The following TASP1 variants were observed in gnomAD, a reference collection of about 807,000 sequenced individuals.
The protein encoded by TASP1 is threonine aspartase 1.
TASP1 carries 16 observed loss-of-function variants against 56.6 expected under a neutral mutation model. That is an observed-to-expected ratio of 0.28 (90% CI 0.19 to 0.43). The LOEUF is 0.43. Among genes scored for constraint, TASP1 ranks in the 20% least tolerant of loss-of-function variants. TASP1 has a pLI of 1.00. For missense variants in TASP1, 393 were observed against 511.6 expected, an observed-to-expected ratio of 0.77 and a Z score of 2.24; for synonymous variants, 179 against 184.2, an observed-to-expected ratio of 0.97 and a Z score of 0.23.
At chr20:13,438,912 T>C (rs905645675) in intron 11 of TASP1, among the ~76,000 whole-genome samples, 1 of 152,170 alleles carries the variant, frequency 6.6e-6, no homozygotes, top group African/African-American at 2.4e-5. Context: ...AAAATGCTCA[T>C]CATCACTGGC....
the TASP1 span, among the ~76,000 whole-genome samples, chr20:13,216,798 T>C: frequency 6.6e-6 from 1 of 152,162 alleles, no homozygotes; most frequent in Non-Finnish European, 1.5e-5. Context: ...AGACTGATCA[T>C]TGCTCTAAGG....
the TASP1 span, among the ~76,000 whole-genome samples, chr20:13,372,250 G>A: frequency 6.6e-6 from 1 of 152,046 alleles, no homozygotes; most frequent in African/African-American, 2.4e-5. Context: ...TGGGTGCCTC[G>A]TTCAATGAAT....
chr20:13,451,266 T>C (rs1053772274), intron 11 of TASP1, among the ~76,000 whole-genome samples: 4 of 152,090 alleles, frequency 2.6e-5, no homozygotes, highest in Non-Finnish European at 1.5e-5. Flanking sequence ...TAAATAAGCA[T>C]TGGCTTCAAT....
chr20:13,353,908 GA>G, the TASP1 span, among the ~76,000 whole-genome samples: 3 of 151,844 alleles, frequency 2.0e-5, no homozygotes, highest in South Asian at 4.2e-4. Flanking sequence ...AAAGAAAGAG[GA>G]AAAAAAGTAA....
At chr20:13,308,847 A>G in the TASP1 span, among the ~76,000 whole-genome samples, 1 of 152,194 alleles carries the variant, frequency 6.6e-6, no homozygotes. Context: ...GAATGAGATT[A>G]GCATCCTTAC....
At chr20:13,588,540 T>C (rs752828307) in intron 4 of TASP1, among the ~76,000 whole-genome samples, 6 of 152,032 alleles carry the variant, frequency 3.9e-5, no homozygotes, top group Admixed American at 6.5e-5. Context: ...ATAAACAATC[T>C]AAAAATGAAA....
chr20:13,283,771 G>A, the TASP1 span, among the ~76,000 whole-genome samples: 33,960 of 152,092 alleles, frequency 0.22, 3,839 homozygotes, highest in African/African-American at 0.26. Context: ...AAATTACATA[G>A]GTACTGCTTA....
chr20:13,596,542 G>A (rs1044514501), intron 4 of TASP1, among the ~76,000 whole-genome samples: 4 of 152,012 alleles, frequency 2.6e-5, no homozygotes, highest in African/African-American at 4.8e-5. Context: ...GTGTGTAGAC[G>A]GAAATTTATA....
chr20:13,224,239 G>C, the TASP1 span, among the ~76,000 whole-genome samples: 1 of 152,248 alleles, frequency 6.6e-6, no homozygotes, highest in South Asian at 2.1e-4. Flanking sequence ...TAATTTTGCT[G>C]TTTTGTAATT....
chr20:13,454,378 C>A (rs1455178399), intron 11 of TASP1, among the ~76,000 whole-genome samples: 1 of 152,126 alleles, frequency 6.6e-6, no homozygotes. Context: ...TCTGGAGAGA[C>A]CTCCATGTCC....
chr20:13,605,851 T>C (rs1048560515), intron 4 of TASP1, among the ~76,000 whole-genome samples: 3 of 152,158 alleles, frequency 2.0e-5, no homozygotes, highest in African/African-American at 7.2e-5. Context: ...TTCATAAACC[T>C]ACAATGGTTT....
intron 10 of TASP1, among the ~76,000 whole-genome samples, chr20:13,526,434 G>A (rs1394084206): frequency 2.0e-5 from 3 of 152,034 alleles, no homozygotes; most frequent in African/African-American, 4.8e-5. Flanking sequence ...CATAGACACG[G>A]GGCCATACTA....
chr20:13,435,139 G>T lies in TASP1; in HGVS notation c.1001C>A (p.Ala334Asp). The T allele has an allele frequency of 3.1e-6, 5 of 1,605,346 alleles. No individual in the cohort carries two copies. Among genetic ancestry groups the T allele is most frequent in the Non-Finnish European group, 4.3e-6 (5 of 1,175,620 alleles). Residue 334 changes from alanine (A) to aspartate (D), a missense_variant, in exon 12 of 14, where the codon GCC becomes GAC. Physicochemically the swap from Ala to Asp is moderately radical, Grantham distance 126 (BLOSUM62 -2). Coordinates refer to ENST00000337743, the MANE Select transcript of TASP1 (RefSeq NM_017714.3). ...QNKFISSPFL[A>D]SEDGVLGGVI... Reference sequence around the variant, plus strand: ...TCCGCCAAGCACGCCATCTTCACTGGCAAGGAAAGGTGAACCTAGGCAGAA... The same window carrying T: ...TCCGCCAAGCACGCCATCTTCACTGTCAAGGAAAGGTGAACCTAGGCAGAA...
the TASP1 span, among the ~76,000 whole-genome samples, chr20:13,287,609 A>G: frequency 6.6e-6 from 1 of 152,060 alleles, no homozygotes; most frequent in Non-Finnish European, 1.5e-5. Flanking sequence ...TTTATTGATG[A>G]TTGTTTCTCT....
chr20:13,312,114 A>T, the TASP1 span, among the ~76,000 whole-genome samples: 1 of 152,208 alleles, frequency 6.6e-6, no homozygotes, highest in Non-Finnish European at 1.5e-5. Flanking sequence ...TGTTGATACG[A>T]GTTAAATCTG....
At chr20:13,410,977 T>C (rs559780210) in intron 13 of TASP1, among the ~76,000 whole-genome samples, 3 of 152,278 alleles carry the variant, frequency 2.0e-5, no homozygotes, top group Admixed American at 2.0e-4. Flanking sequence ...ACATTTAAGA[T>C]TTTAATCAAT....
At chr20:13,225,051 C>T in the TASP1 span, among the ~76,000 whole-genome samples, 1 of 148,990 alleles carries the variant, frequency 6.7e-6, no homozygotes, top group East Asian at 2.0e-4. Context: ...GACGGGGTTT[C>T]ACCGTGTTAG....
the TASP1 span, among the ~76,000 whole-genome samples, chr20:13,376,686 A>G: frequency 2.6e-5 from 4 of 152,118 alleles, no homozygotes; most frequent in Non-Finnish European, 1.5e-5. Context: ...CCATTTTCAC[A>G]ATTTTGATTC....
At chr20:13,574,538 GCAAA>G (rs1178928110) in intron 6 of TASP1, among the ~76,000 whole-genome samples, 1 of 152,064 alleles carries the variant, frequency 6.6e-6, no homozygotes, top group Non-Finnish European at 1.5e-5. Flanking sequence ...AACAGAATTA[GCAAA>G]CAAAGATATT....
Sources: allele counts gnomAD v4.1 joint callset (sites outside exome capture counted in the v4.1 genomes callset), GRCh38; gene constraint gnomAD v4.1.1; transcripts MANE v1.5; gene names NCBI Gene and HGNC (gene_info 2026-07-23, HGNC 2026-07-21).